Variants in ADGRL4 observed in about 807,000 individuals in gnomAD.
The protein encoded by ADGRL4 is EGF, latrophilin and seven transmembrane domain containing 1.
In ADGRL4, 90 loss-of-function variants were observed where a neutral mutation model predicts 74.8. The ratio of observed to expected loss-of-function variants is 1.20; its 90% CI spans 1.02 to 1.43. The LOEUF (loss-of-function observed/expected upper bound fraction) is 1.43. ADGRL4 is among the 40% of genes most tolerant of loss of function. The probability of loss-of-function intolerance (pLI) is 0.00; values close to 1 mark genes in which losing one functional copy is unlikely to be tolerated. For synonymous variants in ADGRL4, 311 were observed against 279.2 expected (o/e 1.11, Z -1.14); for missense variants, 881 against 814.3 (o/e 1.08, Z -1.00).
chr1:78,961,141 G>A (rs1363501930), intron 2 of ADGRL4, among the ~76,000 whole-genome samples: 3 of 150,936 alleles, frequency 2.0e-5, no homozygotes, highest in Non-Finnish European at 2.9e-5. Context: ...AAGTGCAGTT[G>A]TGCGATCTTG....
chr1:78,997,360 A>G (rs1464619898), intron 2 of ADGRL4, among the ~76,000 whole-genome samples: 1 of 152,156 alleles, frequency 6.6e-6, no homozygotes, highest in Non-Finnish European at 1.5e-5. Flanking sequence ...GGAATGGGAA[A>G]CTTTAACCTC....
At position 78,937,937 on chromosome 1, in the gene ADGRL4, C is replaced by A; in HGVS notation, c.630G>T (p.Trp210Cys). The A allele has an allele frequency of 1.2e-6, 2 of 1,613,718 alleles. No individual in the cohort carries two copies. The highest frequency in any genetic ancestry group is 1.7e-6 in the Non-Finnish European group (2 of 1,179,890). The change falls in exon 6 of 15, where the codon TGG becomes TGT. Residue 210 changes from tryptophan to cysteine, a missense_variant. Coordinates refer to ENST00000370742, the MANE Select transcript of ADGRL4 (RefSeq NM_022159.4). ...TCCTATGATTCACAGATAACTTGTC[C>A]CAAACTACAAATGTATCCCTTTGAA... ...NFVQRDTFVV[W>C]DKLSVNHRRT... is the part of the protein sequence containing the mutation.
chr1:78,892,226 C>A (rs1031007187), intron 13 of ADGRL4, among the ~76,000 whole-genome samples: 3 of 152,178 alleles, frequency 2.0e-5, no homozygotes, highest in Admixed American at 2.0e-4. Flanking sequence ...TTTTGTTTTG[C>A]TTTTGCAATA....
At position 78,936,331 on chromosome 1, in the gene ADGRL4, T is replaced by C. The variant is rs1444563288; in HGVS notation, c.841A>G (p.Ile281Val). 8 of 1,595,348 alleles carry C rather than the reference T, an allele frequency of 5.0e-6. No individual in the cohort carries two copies. Among genetic ancestry groups the C allele is most frequent in the East Asian group, 2.3e-5 (1 of 43,900 alleles). ...HMNMDGDYIN[I>V]FPKRKAAYDS... ...TATGCAGCTTTTCTCTTTGGAAATA[T>C]ATTTATGTAGTCTCCATCCATATTC... is the stretch of plus-strand genomic sequence containing the variant. The change falls in exon 7 of 15, where the codon ATA (isoleucine) becomes GTA (valine). Residue 281 changes from isoleucine (I) to valine (V), a missense_variant. Ile to Val is a conservative substitution (Grantham distance 29, BLOSUM62 3). Transcript: ENST00000370742.
At chr1:78,983,864 A>T (rs149189011) in intron 2 of ADGRL4, among the ~76,000 whole-genome samples, 32 of 151,992 alleles carry the variant, frequency 2.1e-4, no homozygotes, top group Admixed American at 8.5e-4. Flanking sequence ...TTTAAACAGT[A>T]ACAACTAGAA....
intron 2 of ADGRL4, among the ~76,000 whole-genome samples, chr1:78,976,177 A>G (rs1020301358): frequency 6.6e-6 from 1 of 151,952 alleles, no homozygotes; most frequent in African/African-American, 2.4e-5. Flanking sequence ...CAAAAACATG[A>G]GAGAAAGAAT....
At chr1:78,986,607 T>C (rs1199574646) in intron 2 of ADGRL4, among the ~76,000 whole-genome samples, 1 of 151,630 alleles carries the variant, frequency 6.6e-6, no homozygotes, top group Admixed American at 6.6e-5. Flanking sequence ...TGAGACTCTA[T>C]CTCAATAAAT....
Position 78,891,098 on chromosome 1 carries a change from C to A in ADGRL4, c.*56G>T, listed in dbSNP as rs768320963. The A allele has an allele frequency of 5.8e-6, 9 of 1,540,324 alleles. No individual in the cohort carries two copies. The highest frequency in any genetic ancestry group is 8.1e-6 in the Non-Finnish European group (9 of 1,114,130). On this transcript the variant is annotated 3_prime_UTR_variant, in exon 15 of 15. Coordinates refer to ENST00000370742, the MANE Select transcript of ADGRL4 (RefSeq NM_022159.4). Reference sequence around the variant, plus strand: ...TGAGTCATTTTTATACATTGGTCATCCACAGCTTGGAATTTTTATTTTTGT... The same window carrying A: ...TGAGTCATTTTTATACATTGGTCATACACAGCTTGGAATTTTTATTTTTGT...
chr1:78,945,177 A>AATATAT (rs36107474), intron 3 of ADGRL4, among the ~76,000 whole-genome samples: 116 of 127,872 alleles, frequency 9.1e-4, no homozygotes, highest in East Asian at 3.3e-3. Context: ...AAAAAAAAAA[A>AATATAT]ATATATATAT....
intron 4 of ADGRL4, 48 bp from the exon 5 acceptor site, chr1:78,938,327 G>T: frequency 6.9e-7 from 1 of 1,445,466 alleles, no homozygotes; most frequent in Non-Finnish European, 9.2e-7. Context: ...AGTTCTACTG[G>T]AGTTTTACAA....
rs1649388385 is a variant in ADGRL4, at chr1:78,937,886, G to A, written c.681C>T (p.His227=). ...TCCTTAAAGTAGCTTGTTCAACAGTGTGCATGAGTTTTGTAAGATGTGTTC... is the reference window on the plus strand; with the variant it reads ...TCCTTAAAGTAGCTTGTTCAACAGTATGCATGAGTTTTGTAAGATGTGTTC... ...HRRTHLTKLM[H]TVEQATLRIS... The change falls in exon 6 of 15, where the codon CAC becomes CAT. Residue 227 remains histidine (H), a synonymous_variant. Transcript: ENST00000370742. 6.2e-7 allele frequency: 1 copy of A among 1,613,870 alleles called. No individual in the cohort carries two copies. Among genetic ancestry groups the A allele is most frequent in the Non-Finnish European group, 8.5e-7 (1 of 1,179,926 alleles).
intron 2 of ADGRL4, among the ~76,000 whole-genome samples, chr1:78,990,022 G>T (rs1650574701): frequency 6.6e-6 from 1 of 151,768 alleles, no homozygotes; most frequent in Non-Finnish European, 1.5e-5. Context: ...TGATTATCAG[G>T]ATATTTTCAT....
intron 3 of ADGRL4, among the ~76,000 whole-genome samples, chr1:78,945,203 T>A (rs1339000984): frequency 2.0e-5 from 3 of 147,060 alleles, no homozygotes; most frequent in Admixed American, 6.8e-5. Context: ...TATATCTCAA[T>A]AGGGCACTAA....
intron 2 of ADGRL4, among the ~76,000 whole-genome samples, chr1:78,980,811 T>C (rs1435293230): frequency 1.3e-5 from 2 of 151,996 alleles, no homozygotes; most frequent in African/African-American, 2.4e-5. Context: ...AAAGTAGATA[T>C]GACAACTTCT....
chr1:78,916,377 C>T (rs533208155), intron 12 of ADGRL4, among the ~76,000 whole-genome samples: 6 of 151,858 alleles, frequency 4.0e-5, no homozygotes, highest in East Asian at 3.9e-4. Flanking sequence ...AATTAGGATA[C>T]GCCATCACAT....
At chr1:78,941,213 A>G (rs2100691197) in intron 3 of ADGRL4, among the ~76,000 whole-genome samples, 2 of 152,344 alleles carry the variant, frequency 1.3e-5, no homozygotes, top group Middle Eastern at 3.4e-3. Context: ...AGAACCATCA[A>G]GGAAAGCATT....
intron 2 of ADGRL4, among the ~76,000 whole-genome samples, chr1:78,955,900 T>A (rs972765724): frequency 6.6e-6 from 1 of 152,146 alleles, no homozygotes; most frequent in South Asian, 2.1e-4. Flanking sequence ...AAAAAAACTA[T>A]CTAATCTATA....
chr1:78,923,240 T>C (rs1031751151), intron 8 of ADGRL4, among the ~76,000 whole-genome samples: 3 of 151,962 alleles, frequency 2.0e-5, no homozygotes, highest in African/African-American at 7.2e-5. Context: ...AAAACAGAGT[T>C]AAGTGAGGGT....
chr1:78,921,789 G>A lies in ADGRL4; in HGVS notation c.1084-3C>T. The stretch of plus-strand genomic sequence containing the variant: ...AGACTCCTATACCTATCTGTGACCT[G>A]AAAAAAAGATACTTTACTGATGAAA... On this transcript the variant is annotated splice_polypyrimidine_tract_variant and splice_region_variant and intron_variant, in intron 8 of 14. Transcript: ENST00000370742. 1 of 1,452,746 alleles carries A rather than the reference G, an allele frequency of 6.9e-7. No homozygotes were observed. 90.0% of individuals were successfully genotyped at this position (1,452,746 alleles called of 1,614,324 possible). A position where few individuals can be genotyped will look rare whatever the true frequency, so the allele number is the denominator to read the frequency against.
Sources: allele counts gnomAD v4.1 joint callset (sites outside exome capture counted in the v4.1 genomes callset), GRCh38; gene constraint gnomAD v4.1.1; transcripts MANE v1.5; gene names NCBI Gene and HGNC (gene_info 2026-07-23, HGNC 2026-07-21).